SLC48A1: variants seen among roughly 807,000 people sequenced by gnomAD.
The protein encoded by SLC48A1 is heme transporter HRG1.
SLC48A1 carries 6 observed loss-of-function variants against 14.8 expected under a neutral mutation model. The ratio of observed to expected loss-of-function variants is 0.41; its 90% CI spans 0.22 to 0.80. The LOEUF is 0.80. Ranked by LOEUF, SLC48A1 falls within the 30% of genes least tolerant of loss-of-function variation. SLC48A1 has a pLI of 0.34. For missense variants in SLC48A1, 165 were observed against 204.8 expected (o/e 0.81, Z 1.19); for synonymous variants, 89 against 90.0 (o/e 0.99, Z 0.06).
chr12:47,779,112 T>G lies in SLC48A1; in HGVS notation c.221T>G (p.Phe74Cys), dbSNP rs1252784846. ...WRTWLKGLRG[F>C]FFVGVLFSAV... ...ACCTGGCTCAAGGGGCTGCGCGGCT[T>G]CTTCTTCGTGGGCGTCCTCTTCTCG... Residue 74 changes from phenylalanine to cysteine, a missense_variant, in exon 2 of 3, where the codon TTC (phenylalanine) becomes TGC (cysteine). Phe to Cys is a radical substitution (Grantham distance 205, BLOSUM62 -2). Coordinates refer to ENST00000442218, the MANE Select transcript of SLC48A1 (RefSeq NM_017842.3). 6.4e-7 allele frequency: 1 copy of G among 1,551,656 alleles called. No homozygotes were observed. Among genetic ancestry groups the G allele is most frequent in the East Asian group, 2.4e-5 (1 of 40,934 alleles).
intron 1 of SLC48A1, among the ~76,000 whole-genome samples, chr12:47,760,031 CA>C (rs113258201): frequency 7.3e-4 from 95 of 129,534 alleles, no homozygotes; most frequent in South Asian, 9.0e-4. Flanking sequence ...CATCCTCCAC[CA>C]ATTATTATTT....
At chr12:47,770,240 C>A (rs982725723), upstream of SLC48A1, among the ~76,000 whole-genome samples, 1 of 152,242 alleles carries the variant, frequency 6.6e-6, no homozygotes, top group Non-Finnish European at 1.5e-5. Context: ...TCTTTTCTTG[C>A]GCAATCTCAC....
intron 2 of SLC48A1, among the ~76,000 whole-genome samples, chr12:47,766,169 G>C (rs1353830440): frequency 6.6e-6 from 1 of 152,140 alleles, no homozygotes; most frequent in Non-Finnish European, 1.5e-5. Flanking sequence ...TGGACTAGAG[G>C]GGGACCCACG....
At chr12:47,775,008 G>C (rs1325292451) in intron 1 of SLC48A1, among the ~76,000 whole-genome samples, 1 of 152,222 alleles carries the variant, frequency 6.6e-6, no homozygotes, top group African/African-American at 2.4e-5. Flanking sequence ...TGAGCAGGGA[G>C]GGCCAGCCTG....
chr12:47,772,630 T>C (rs1364017973), upstream of SLC48A1, among the ~76,000 whole-genome samples: 1 of 151,896 alleles, frequency 6.6e-6, no homozygotes, highest in African/African-American at 2.4e-5. Flanking sequence ...GGAGCTATGA[T>C]GGCGCCACTG....
chr12:47,765,820 G>A (rs749715703), intron 2 of SLC48A1, among the ~76,000 whole-genome samples: 1 of 152,210 alleles, frequency 6.6e-6, no homozygotes, highest in Admixed American at 6.5e-5. Context: ...CGTGCCTTGC[G>A]TGGTCAGTGC....
chr12:47,765,076 C>CAAA lies in SLC48A1; in HGVS notation c.-187+4712_-187+4714dup, dbSNP rs750174911. Among the ~76,000 whole-genome samples the CAAA allele has an allele frequency of 2.4e-4, 9 of 38,188 alleles. 1 individual carries two copies. The highest frequency in any genetic ancestry group is 7.1e-4 in the African/African-American group (5 of 7,068). The allele number at this position is 38,188 out of a possible 152,430, so 25.1% of individuals were successfully genotyped here. A position where few individuals can be genotyped will look rare whatever the true frequency, so the allele number is the denominator to read the frequency against. Reference sequence around the variant, plus strand: ...TGGGCAACAGAGTGAGACTCTGTCTCAAAAAAAAAAAAAAAAAAAAAAAAA... The same window carrying CAAA: ...TGGGCAACAGAGTGAGACTCTGTCTCAAAAAAAAAAAAAAAAAAAAAAAAAAAA... On this transcript the variant is annotated intron_variant, in intron 2 of 4. Coordinates refer to the SLC48A1 transcript ENST00000547002.
upstream of SLC48A1, among the ~76,000 whole-genome samples, chr12:47,767,230 G>A (rs889076977): frequency 3.3e-5 from 5 of 152,102 alleles, no homozygotes; most frequent in African/African-American, 1.2e-4. Context: ...ACCACATAAG[G>A]TCTAGGGAGA....
chr12:47,773,829 C>G (rs1262068660), intron 1 of SLC48A1, among the ~76,000 whole-genome samples: 1 of 152,066 alleles, frequency 6.6e-6, no homozygotes, highest in Non-Finnish European at 1.5e-5. Flanking sequence ...CACACACACA[C>G]GCACACACAC....
At chr12:47,760,934 C>T (rs549382368) in intron 2 of SLC48A1, among the ~76,000 whole-genome samples, 3 of 152,274 alleles carry the variant, frequency 2.0e-5, no homozygotes, top group South Asian at 2.1e-4. Context: ...CGATGGCTCA[C>T]GCCTGTAATC....
intron 2 of SLC48A1, among the ~76,000 whole-genome samples, chr12:47,779,637 C>T (rs1156442548): frequency 3.9e-5 from 6 of 152,184 alleles, no homozygotes; most frequent in East Asian, 1.9e-4. Context: ...CTAATCCCCA[C>T]GGCCTCCTGC....
rs561178755 is a variant in SLC48A1 at position 47,764,967 on chromosome 12, C to T, written c.-187+4566C>T. Among the ~76,000 whole-genome samples the T allele has an allele frequency of 7.9e-5, 12 of 151,404 alleles. 1 individual carries two copies. The East Asian group carries it at 2.3e-3, about 30-fold the overall frequency. On this transcript the variant is annotated intron_variant, in intron 2 of 4. Coordinates refer to the SLC48A1 transcript ENST00000547002. ...TGGTGTGTGCCTATAGTCCAAGCTA[C>T]TCGGGAGGCTGAGGCAGGAGAATCG...
intron 1 of SLC48A1, among the ~76,000 whole-genome samples, chr12:47,759,358 A>C (rs145426754): frequency 0.017 from 2,507 of 145,294 alleles, 36 homozygotes; most frequent in Non-Finnish European, 0.027. Context: ...CCCGCGGGGA[A>C]TCCCGCTGCC....
intron 1 of SLC48A1, among the ~76,000 whole-genome samples, chr12:47,774,800 G>A (rs1442595241): frequency 4.6e-5 from 7 of 152,094 alleles, no homozygotes; most frequent in African/African-American, 1.7e-4. Flanking sequence ...GGGATCCTGA[G>A]GACAACTGGC....
upstream of SLC48A1, chr12:47,770,746 G>A (rs2136858054): frequency 2.2e-6 from 1 of 448,650 alleles, no homozygotes; most frequent in South Asian, 1.6e-5. Flanking sequence ...CAAGGGGAGG[G>A]GGACAGCCTT....
upstream of SLC48A1, chr12:47,758,247 G>A: frequency 7.0e-7 from 1 of 1,433,268 alleles, no homozygotes. Flanking sequence ...ACCTTCACTG[G>A]GGCCTGCCGG....
rs1021142489 is a variant in SLC48A1, at chr12:47,781,120, C to A, written c.*839C>A. On this transcript the variant is annotated 3_prime_UTR_variant, in exon 3 of 3. Transcript: ENST00000442218. ...CCTGTTGTTCCCAGAGCTGGTCTCC[C>A]ATGAGTGTGCTAGAGCCAGATAGCC... 1.5e-5 allele frequency: 5 copies of A among 336,106 alleles called. No individual in the cohort carries two copies. Among genetic ancestry groups the A allele is most frequent in the Admixed American group, 4.3e-5 (1 of 23,036 alleles). The allele number at this position is 336,106 out of a possible 1,614,324, so 20.8% of individuals were successfully genotyped here. A position where few individuals can be genotyped will look rare whatever the true frequency, so the allele number is the denominator to read the frequency against.
upstream of SLC48A1, among the ~76,000 whole-genome samples, chr12:47,757,473 G>C (rs1014673515): frequency 3.3e-5 from 5 of 152,046 alleles, no homozygotes; most frequent in Non-Finnish European, 7.3e-5. Flanking sequence ...ATGTTGCCAC[G>C]GTGATGCACC....
upstream of SLC48A1, among the ~76,000 whole-genome samples, chr12:47,770,430 G>A (rs1335753250): frequency 6.6e-6 from 1 of 152,174 alleles, no homozygotes; most frequent in African/African-American, 2.4e-5. Flanking sequence ...GCTTCTGCCT[G>A]GACCAGCTCT....
Sources: allele counts gnomAD v4.1 joint callset (sites outside exome capture counted in the v4.1 genomes callset), GRCh38; gene constraint gnomAD v4.1.1; transcripts MANE v1.5; gene names NCBI Gene and HGNC (gene_info 2026-07-23, HGNC 2026-07-21).